The following DAB1 variants were observed in gnomAD, a reference collection of about 807,000 sequenced individuals.
DAB1 encodes the protein DAB adaptor protein 1.
DAB1 carries 15 observed loss-of-function variants against 64.6 expected under a neutral mutation model. The ratio of observed to expected loss-of-function variants is 0.23; its 90% CI spans 0.16 to 0.36. The LOEUF (loss-of-function observed/expected upper bound fraction) is 0.36, where lower values mean the gene tolerates loss of function less well. Among genes scored for constraint, DAB1 ranks in the 10% least tolerant of loss-of-function variants. The pLI is 1.00. For synonymous variants in DAB1, 235 were observed against 251.9 expected (o/e 0.93, Z 0.64); for missense variants, 596 against 706.7 (o/e 0.84, Z 1.78).
At chr1:58,006,232 A>G (rs918924240) in intron 5 of DAB1, among the ~76,000 whole-genome samples, 3 of 152,212 alleles carry the variant, frequency 2.0e-5, no homozygotes, top group African/African-American at 7.2e-5. Context: ...TGAGATAAAA[A>G]GACACTAGAA....
chr1:58,249,753 G>T (rs1229892819), intron 4 of DAB1, among the ~76,000 whole-genome samples: 1 of 152,026 alleles, frequency 6.6e-6, no homozygotes, highest in East Asian at 2.0e-4. Context: ...ACTCGGCCTC[G>T]ACTGGGGTGT....
intron 9 of DAB1, among the ~76,000 whole-genome samples, chr1:57,034,833 G>A (rs1176710386): frequency 1.3e-5 from 2 of 152,118 alleles, no homozygotes; most frequent in African/African-American, 2.4e-5. Context: ...CCATAGCCTC[G>A]TAGTACTGTG....
At chr1:57,999,904 T>C (rs146330049) in intron 5 of DAB1, among the ~76,000 whole-genome samples, 1 of 127,188 alleles carries the variant, frequency 7.9e-6, no homozygotes, top group African/African-American at 3.0e-5. Flanking sequence ...AGAAAAGGAG[T>C]TAAAGGAAGA....
At chr1:58,261,755 C>T (rs1557717607) in intron 4 of DAB1, among the ~76,000 whole-genome samples, 1 of 151,988 alleles carries the variant, frequency 6.6e-6, no homozygotes, top group Non-Finnish European at 1.5e-5. Context: ...GAGGGTCTCC[C>T]AATGTTGCCC....
In DAB1 at chr1:57,010,714, CTTATA is replaced by C. The variant is rs1646237707; in HGVS notation, c.1644_1648del (p.Asn548LysfsTer6). ...CGCTATCTAGCTACCGGCCTGTGGA[CTTATA>C]TTATCACCACTGGGCTCCCCACTGG... On this transcript the variant is annotated frameshift_variant, in exon 14 of 15. Coordinates refer to ENST00000371236, the MANE Select transcript of DAB1 (RefSeq NM_001365792.1). LOFTEE classifies it high-confidence loss of function. The C allele has an allele frequency of 6.3e-7, 1 of 1,588,436 alleles. No homozygotes were observed. Among genetic ancestry groups the C allele is most frequent in the Non-Finnish European group, 8.6e-7 (1 of 1,164,360 alleles).
At chr1:57,809,660 C>T (rs538953062) in intron 6 of DAB1, among the ~76,000 whole-genome samples, 66 of 152,242 alleles carry the variant, frequency 4.3e-4, no homozygotes, top group African/African-American at 1.5e-3. Flanking sequence ...CTGACAGTCG[C>T]CTCCTGATAC....
At chr1:57,092,272 C>T (rs1038205559) in intron 4 of DAB1, among the ~76,000 whole-genome samples, 17 of 152,258 alleles carry the variant, frequency 1.1e-4, no homozygotes, top group Admixed American at 5.2e-4. Context: ...ATAGACATGG[C>T]GCCTGCTCCT....
rs544388209 is a variant in DAB1 at position 58,491,770 on chromosome 1, C to G, written n.257+14290G>C. On this transcript the variant is annotated intron_variant and non_coding_transcript_variant, in intron 3 of 20. Coordinates refer to the DAB1 transcript ENST00000485760. ...GAGCACCCAGATTCATAAAGCAAGT[C>G]CTTAGAGACCTACAAAGTGACTTAG... is the stretch of plus-strand genomic sequence containing the variant. Among the ~76,000 whole-genome samples the G allele has an allele frequency of 1.1e-4, 16 of 152,286 alleles. No individual in the cohort carries two copies. The East Asian group carries it at 2.9e-3, about 28-fold the overall frequency.
chr1:57,297,056 C>T (rs1041856502), intron 1 of DAB1, among the ~76,000 whole-genome samples: 4 of 152,114 alleles, frequency 2.6e-5, no homozygotes, highest in African/African-American at 9.7e-5. Flanking sequence ...CTGAGCAGAA[C>T]ATAACATCAC....
chr1:57,866,076 A>G (rs1292184599), intron 1 of DAB1, among the ~76,000 whole-genome samples: 3 of 152,218 alleles, frequency 2.0e-5, no homozygotes, highest in East Asian at 1.9e-4. Flanking sequence ...GGATTTCAAC[A>G]TATGAATTTT....
intron 6 of DAB1, among the ~76,000 whole-genome samples, chr1:57,809,328 T>C (rs1651509526): frequency 6.6e-6 from 1 of 152,222 alleles, no homozygotes; most frequent in Admixed American, 6.5e-5. Flanking sequence ...CCAACTATTA[T>C]ATCAGGCACT....
intron 3 of DAB1, among the ~76,000 whole-genome samples, chr1:58,448,403 A>G (rs1313912298): frequency 1.3e-5 from 2 of 152,232 alleles, no homozygotes; most frequent in African/African-American, 2.4e-5. Context: ...CAATTTTACA[A>G]TAAGAAAACT....
chr1:57,084,401 G>A (rs1294444870), intron 4 of DAB1, among the ~76,000 whole-genome samples: 1 of 152,176 alleles, frequency 6.6e-6, no homozygotes, highest in African/African-American at 2.4e-5. Context: ...CAGACACCTT[G>A]ATCTGGGATG....
At chr1:58,481,531 G>C (rs1645482279) in intron 3 of DAB1, among the ~76,000 whole-genome samples, 1 of 152,152 alleles carries the variant, frequency 6.6e-6, no homozygotes, top group Non-Finnish European at 1.5e-5. Flanking sequence ...CTCTATGAGA[G>C]ATTTTTTTCA....
chr1:57,265,739 T>C (rs1670540725), intron 2 of DAB1, among the ~76,000 whole-genome samples: 1 of 152,188 alleles, frequency 6.6e-6, no homozygotes, highest in East Asian at 1.9e-4. Context: ...GATCTATACA[T>C]GTAAACCAAT....
chr1:58,514,796 T>C (rs1040990463), intron 2 of DAB1, among the ~76,000 whole-genome samples: 5 of 152,064 alleles, frequency 3.3e-5, no homozygotes, highest in Non-Finnish European at 7.4e-5. Context: ...AAAACCAAAA[T>C]TGTTTCCAGC....
intron 4 of DAB1, among the ~76,000 whole-genome samples, chr1:58,249,327 A>T (rs566670236): frequency 5.4e-5 from 8 of 149,508 alleles, no homozygotes; most frequent in African/African-American, 2.0e-4. Context: ...CCCGCCCCAC[A>T]CCCCACCTGG....
chr1:57,730,540 G>A (rs1460953993), intron 6 of DAB1, among the ~76,000 whole-genome samples: 1 of 152,184 alleles, frequency 6.6e-6, no homozygotes, highest in African/African-American at 2.4e-5. Flanking sequence ...TGAAGGGGGA[G>A]TTTTGGAAGG....
intron 3 of DAB1, among the ~76,000 whole-genome samples, chr1:58,351,287 T>C (rs1193072553): frequency 6.6e-6 from 1 of 152,158 alleles, no homozygotes; most frequent in Admixed American, 6.5e-5. Context: ...TTTTGGCTCA[T>C]AAACCCATGC....
Sources: gnomAD v4.1 joint callset for allele counts (sites outside exome capture counted in the v4.1 genomes callset) on GRCh38, gnomAD v4.1.1 for gene constraint, MANE v1.5 for transcripts, NCBI Gene and HGNC (gene_info 2026-07-23, HGNC 2026-07-21) for gene names.